Variants in PPARGC1A observed in about 807,000 individuals in gnomAD.
The protein encoded by PPARGC1A is PPARG coactivator 1 alpha.
In PPARGC1A, 25 loss-of-function variants were observed where a neutral mutation model predicts 88.7. The ratio of observed to expected loss-of-function variants is 0.28; its 90% CI spans 0.21 to 0.39. The LOEUF (loss-of-function observed/expected upper bound fraction) is 0.39. Ranked by LOEUF, PPARGC1A falls within the 10% of genes least tolerant of loss-of-function variation. PPARGC1A has a pLI of 1.00. For synonymous variants in PPARGC1A, 363 were observed against 355.6 expected, an observed-to-expected ratio of 1.02 and a Z score of -0.24; for missense variants, 880 against 968.7, an observed-to-expected ratio of 0.91 and a Z score of 1.22.
the PPARGC1A span, among the ~76,000 whole-genome samples, chr4:24,301,104 A>G: frequency 6.6e-6 from 1 of 152,218 alleles, no homozygotes; most frequent in African/African-American, 2.4e-5. Context: ...CAAATTCAGC[A>G]TGTATAAAGG....
upstream of PPARGC1A, among the ~76,000 whole-genome samples, chr4:23,899,695 T>A (rs1719058280): frequency 6.6e-6 from 1 of 152,174 alleles, no homozygotes; most frequent in Non-Finnish European, 1.5e-5. Context: ...TAATTCCACT[T>A]CTATAAAGCA....
the PPARGC1A span, among the ~76,000 whole-genome samples, chr4:23,972,107 G>A: frequency 6.6e-6 from 1 of 152,024 alleles, no homozygotes; most frequent in East Asian, 1.9e-4. Context: ...TTCCCCAAAT[G>A]ACACAGGAAT....
chr4:23,907,243 G>A (rs144031812), upstream of PPARGC1A, among the ~76,000 whole-genome samples: 815 of 152,230 alleles, frequency 5.4e-3, 5 homozygotes, highest in Non-Finnish European at 7.8e-3. Flanking sequence ...AAGGAAGAAC[G>A]AAACATAAAC....
intron 10 of PPARGC1A, among the ~76,000 whole-genome samples, chr4:23,802,713 A>G (rs537400441): frequency 1.3e-5 from 2 of 150,706 alleles, no homozygotes; most frequent in South Asian, 4.2e-4. Context: ...CTAACCCTCT[A>G]GAAACATTCA....
the PPARGC1A span, among the ~76,000 whole-genome samples, chr4:24,013,470 T>C: frequency 6.6e-6 from 1 of 152,054 alleles, no homozygotes; most frequent in African/African-American, 2.4e-5. Context: ...TTAAACAGTC[T>C]ATCAAAAGTT....
At chr4:24,398,133 G>A in the PPARGC1A span, among the ~76,000 whole-genome samples, 1 of 152,154 alleles carries the variant, frequency 6.6e-6, no homozygotes, top group Non-Finnish European at 1.5e-5. Flanking sequence ...CATTTACACT[G>A]TGGAATTTCT....
chr4:24,130,597 C>T, the PPARGC1A span, among the ~76,000 whole-genome samples: 1 of 152,024 alleles, frequency 6.6e-6, no homozygotes, highest in Non-Finnish European at 1.5e-5. Context: ...TACAAGAAGG[C>T]CCAACTCATT....
chr4:24,332,230 G>A, the PPARGC1A span, among the ~76,000 whole-genome samples: 2 of 151,630 alleles, frequency 1.3e-5, no homozygotes, highest in African/African-American at 2.4e-5. Context: ...CATTCACCTC[G>A]GCCTCTCAAA....
the PPARGC1A span, among the ~76,000 whole-genome samples, chr4:24,161,819 A>T: frequency 6.6e-6 from 1 of 152,144 alleles, no homozygotes; most frequent in Admixed American, 6.6e-5. Context: ...ACCAAAGGTG[A>T]TATAACTCTT....
chr4:24,263,173 A>G, the PPARGC1A span, among the ~76,000 whole-genome samples: 1 of 152,220 alleles, frequency 6.6e-6, no homozygotes, highest in South Asian at 2.1e-4. Context: ...AGTAGTAAAC[A>G]AGTGACGTAA....
the PPARGC1A span, among the ~76,000 whole-genome samples, chr4:24,103,497 G>A: frequency 6.6e-6 from 1 of 151,740 alleles, no homozygotes; most frequent in African/African-American, 2.4e-5. Flanking sequence ...CAGAGCCCTC[G>A]GGCTCACAGC....
chr4:24,086,171 C>T, the PPARGC1A span, among the ~76,000 whole-genome samples: 3 of 152,130 alleles, frequency 2.0e-5, no homozygotes, highest in Non-Finnish European at 4.4e-5. Context: ...TAGTTATTAT[C>T]CACCCCATCA....
At chr4:24,353,610 T>C in the PPARGC1A span, among the ~76,000 whole-genome samples, 1 of 152,194 alleles carries the variant, frequency 6.6e-6, no homozygotes, top group African/African-American at 2.4e-5. Context: ...TTCCCACCTG[T>C]AAAATATAAT....
chr4:24,024,150 A>G, the PPARGC1A span, among the ~76,000 whole-genome samples: 59 of 152,316 alleles, frequency 3.9e-4, 1 homozygote, highest in South Asian at 6.0e-3. Context: ...TGGACACCTT[A>G]CTAAGTTCAG....
chr4:24,109,796 G>C, the PPARGC1A span, among the ~76,000 whole-genome samples: 1 of 152,138 alleles, frequency 6.6e-6, no homozygotes, highest in Non-Finnish European at 1.5e-5. Flanking sequence ...TCAAGGATGA[G>C]GGGCAGGGAG....
At chr4:24,367,784 C>A in the PPARGC1A span, among the ~76,000 whole-genome samples, 1 of 152,054 alleles carries the variant, frequency 6.6e-6, no homozygotes, top group African/African-American at 2.4e-5. Flanking sequence ...TAAGGCAAAC[C>A]TGCCCATTTT....
At chr4:23,905,286 A>G (rs1446132487), upstream of PPARGC1A, among the ~76,000 whole-genome samples, 4 of 152,194 alleles carry the variant, frequency 2.6e-5, no homozygotes, top group Admixed American at 1.3e-4. Context: ...GAAGTCAACA[A>G]CTGCCATCCA....
chr4:23,832,770 C>T (rs866139089), intron 2 of PPARGC1A, among the ~76,000 whole-genome samples: 11 of 151,722 alleles, frequency 7.3e-5, no homozygotes, highest in Middle Eastern at 3.2e-3. Context: ...CCACCACGCC[C>T]GGCTAATTTT....
At chr4:24,221,863 A>G in the PPARGC1A span, among the ~76,000 whole-genome samples, 2 of 152,210 alleles carry the variant, frequency 1.3e-5, no homozygotes, top group African/African-American at 2.4e-5. Context: ...TGTTCCAATA[A>G]CAGTAAGACC....
Sources: allele counts gnomAD v4.1 joint callset (sites outside exome capture counted in the v4.1 genomes callset), GRCh38; gene constraint gnomAD v4.1.1; transcripts MANE v1.5; gene names NCBI Gene and HGNC (gene_info 2026-07-23, HGNC 2026-07-21).